The following FOLH1 variants were observed in gnomAD, a reference collection of about 807,000 sequenced individuals.
FOLH1 encodes glutamate carboxypeptidase 2.
A neutral mutation model predicts 93.9 loss-of-function variants in FOLH1; 54 were observed. The observed-to-expected ratio is 0.57, with a 90% CI of 0.46 to 0.72. The LOEUF is 0.72. Ranked by LOEUF, FOLH1 falls within the 30% of genes least tolerant of loss-of-function variation. FOLH1 has a pLI of 0.00. For missense variants in FOLH1, 571 were observed against 892.5 expected, an observed-to-expected ratio of 0.64 and a Z score of 4.59; for synonymous variants, 249 against 303.6, an observed-to-expected ratio of 0.82 and a Z score of 1.87.
intron 13 of FOLH1, among the ~76,000 whole-genome samples, chr11:49,158,398 C>A (rs545836362): frequency 6.6e-6 from 1 of 152,140 alleles, no homozygotes; most frequent in Non-Finnish European, 1.5e-5. Flanking sequence ...CATCTCACAA[C>A]AAAGAAAATA....
At chr11:49,167,497 G>A (rs1399329152) in intron 12 of FOLH1, among the ~76,000 whole-genome samples, 1 of 152,170 alleles carries the variant, frequency 6.6e-6, no homozygotes, top group African/African-American at 2.4e-5. Context: ...TTTCAGAACA[G>A]TGTAGCTCAG....
intron 14 of FOLH1, among the ~76,000 whole-genome samples, chr11:49,157,083 T>C (rs1217078340): frequency 1.3e-5 from 2 of 152,122 alleles, no homozygotes; most frequent in East Asian, 3.9e-4. Flanking sequence ...TTTCATTCCA[T>C]TTATCATCTT....
chr11:49,164,729 G>A lies in FOLH1; in HGVS notation c.1416C>T (p.Ser472=). 1 of 1,604,478 alleles carries A rather than the reference G, an allele frequency of 6.2e-7. No individual in the cohort carries two copies. Among genetic ancestry groups the A allele is most frequent in the Non-Finnish European group, 8.5e-7 (1 of 1,173,152 alleles). Residue 472 remains serine, a synonymous_variant, in exon 13 of 19, where the codon AGC becomes AGT. Transcript: ENST00000256999. ...LRVDCTPLMY[S]LVHNLTKELK... is the part of the protein sequence containing the mutation. Reference sequence around the variant, plus strand: ...CCTCTTTTGTTAGGTTGTGTACCAAGCTGTACATCAGCGGTGTACAATCAA... The same window carrying A: ...CCTCTTTTGTTAGGTTGTGTACCAAACTGTACATCAGCGGTGTACAATCAA...
At chr11:49,197,894 A>G (rs1276551921) in intron 3 of FOLH1, among the ~76,000 whole-genome samples, 1 of 152,300 alleles carries the variant, frequency 6.6e-6, no homozygotes, top group East Asian at 1.9e-4. Flanking sequence ...GCCTCTGGAA[A>G]GAGGAAAATA....
At position 49,146,844 on chromosome 11, in the gene FOLH1, G is replaced by C. The variant is rs1426270403; in HGVS notation, c.2165C>G (p.Ser722Cys). 6.2e-7 allele frequency: 1 copy of C among 1,613,396 alleles called. No individual in the cohort carries two copies. The highest frequency in any genetic ancestry group is 1.3e-5 in the African/African-American group (1 of 74,858). The change falls in exon 19 of 19, where the codon TCC becomes TGC. Residue 722 changes from serine to cysteine, a missense_variant. Coordinates refer to ENST00000256999, the MANE Select transcript of FOLH1 (RefSeq NM_004476.3). Reference sequence around the variant, plus strand: ...TCTCTTCACTTCTCCCCAGGCCTTGGAAGGGTCCACTTTGCTTTCAATATC... The same window carrying C: ...TCTCTTCACTTCTCCCCAGGCCTTGCAAGGGTCCACTTTGCTTTCAATATC... ...LFDIESKVDP[S>C]KAWGEVKRQI...
chr11:49,208,218 G>T, intron 1 of FOLH1, 74 bp downstream of exon 1: 1 of 1,123,360 alleles, frequency 8.9e-7, no homozygotes, highest in Non-Finnish European at 1.3e-6. Context: ...CCACTCGGCA[G>T]CTGACCCGCG....
intron 1 of FOLH1, chr11:49,206,757 T>C (rs1864015679): frequency 2.0e-6 from 3 of 1,535,482 alleles, no homozygotes; most frequent in Non-Finnish European, 2.6e-6. Context: ...TTCAGACAGC[T>C]ACAATGAAAC....
At chr11:49,149,691 A>T (rs2134847407) in intron 17 of FOLH1, among the ~76,000 whole-genome samples, 1 of 152,280 alleles carries the variant, frequency 6.6e-6, no homozygotes, top group East Asian at 1.9e-4. Context: ...GTTCTAATAT[A>T]TCAAAGCTAA....
At chr11:49,198,905 G>A (rs1329648866) in intron 3 of FOLH1, among the ~76,000 whole-genome samples, 10 of 151,188 alleles carry the variant, frequency 6.6e-5, no homozygotes, top group South Asian at 2.1e-4. Context: ...ATGCCACCAC[G>A]CCTGGCTTAA....
chr11:49,169,496 T>C (rs1049471213), intron 11 of FOLH1, among the ~76,000 whole-genome samples: 4 of 152,226 alleles, frequency 2.6e-5, no homozygotes, highest in Non-Finnish European at 5.9e-5. Flanking sequence ...AAATTGTCCA[T>C]ATACTTATGG....
intron 2 of FOLH1, among the ~76,000 whole-genome samples, chr11:49,204,331 G>A (rs1296685737): frequency 6.6e-6 from 1 of 152,072 alleles, no homozygotes; most frequent in African/African-American, 2.4e-5. Flanking sequence ...ACTTGCCTTG[G>A]TCTCTTTTTC....
At chr11:49,152,096 T>C (rs1856566270) in intron 17 of FOLH1, among the ~76,000 whole-genome samples, 1 of 152,178 alleles carries the variant, frequency 6.6e-6, no homozygotes, top group South Asian at 2.1e-4. Flanking sequence ...AAGTATCTTC[T>C]ATTATGTTGT....
intron 1 of FOLH1, 47 bp from the exon 2 acceptor site, chr11:49,206,219 AG>A: frequency 6.2e-7 from 1 of 1,606,674 alleles, no homozygotes; most frequent in Non-Finnish European, 8.5e-7. Flanking sequence ...GCCTATAGAT[AG>A]GACTTATTTT....
At position 49,146,404 on chromosome 11, in the gene FOLH1, T is replaced by A. The variant is rs1321800834; in HGVS notation, c.*352A>T. Among the ~76,000 whole-genome samples, 6 of 152,314 alleles carry A rather than the reference T, an allele frequency of 3.9e-5. No homozygotes were observed. Among genetic ancestry groups the A allele is most frequent in the Non-Finnish European group, 7.4e-5 (5 of 68,026 alleles). ...ATCTTGTGCATATTCCCCAGTGTGC[T>A]CTCTGACATACTGATGTTTTCTTCT... On this transcript the variant is annotated 3_prime_UTR_variant, in exon 19 of 19. Coordinates refer to ENST00000256999, the MANE Select transcript of FOLH1 (RefSeq NM_004476.3).
At chr11:49,148,930 A>AT (rs946021466) in intron 17 of FOLH1, among the ~76,000 whole-genome samples, 199 bp from the exon 18 acceptor site, 21 of 151,888 alleles carry the variant, frequency 1.4e-4, no homozygotes, top group African/African-American at 5.1e-4. Flanking sequence ...CCTTTGTGGA[A>AT]TTTTTTTTTA....
Position 49,200,389 on chromosome 11 carries a change from C to T in FOLH1, c.277G>A (p.Ala93Thr), listed in dbSNP as rs776233012. 1.2e-6 allele frequency: 2 copies of T among 1,613,320 alleles called. No individual in the cohort carries two copies. Among genetic ancestry groups the T allele is most frequent in the Admixed American group, 1.7e-5 (1 of 59,940 alleles). ...LAGTEQNFQL[A>T]KQIQSQWKEF... ...TTCCACTGGGATTGAATTTGCTTTG[C>T]AAGCTGAAAGTTTTGTTCTGTTCCT... Residue 93 changes from alanine to threonine, a missense_variant, in exon 3 of 19, where the codon GCA (alanine) becomes ACA (threonine). By Grantham distance (58) the Ala-to-Thr change is moderately conservative (BLOSUM62 0). This residue lies in a region of FOLH1 where 500 missense variants were observed against 822.9 expected (regional missense o/e 0.61). Coordinates refer to ENST00000256999, the MANE Select transcript of FOLH1 (RefSeq NM_004476.3).
intron 3 of FOLH1, among the ~76,000 whole-genome samples, chr11:49,199,887 C>T (rs1863081279): frequency 1.3e-5 from 2 of 151,262 alleles, no homozygotes; most frequent in Admixed American, 6.6e-5. Flanking sequence ...CTCCAGCCTG[C>T]CTGACAGGAG....
At chr11:49,192,947 G>A (rs4315497) in intron 3 of FOLH1, 53 bp from the exon 4 acceptor site, 611,741 of 1,436,874 alleles carry the variant, frequency 0.43, 135,269 homozygotes, top group African/African-American at 0.75. Flanking sequence ...TTTGATTACT[G>A]TAATCAAACA....
At position 49,206,399 on chromosome 11, in the gene FOLH1, T is replaced by G. The variant is rs536526012; in HGVS notation, c.119-227A>C. On this transcript the variant is annotated intron_variant, in intron 1 of 18. Coordinates refer to ENST00000256999, the MANE Select transcript of FOLH1 (RefSeq NM_004476.3). ...AATTGCAAAATATTTCTTATCCAACTTCAATGATAGGTATTGCTGTTATTC... is the reference window on the plus strand; with the variant it reads ...AATTGCAAAATATTTCTTATCCAACGTCAATGATAGGTATTGCTGTTATTC... 5.2e-5 allele frequency: 41 copies of G among 789,498 alleles called. No homozygotes were observed. In the South Asian group the frequency reaches 6.0e-4, roughly 11 times the overall value. The allele number at this position is 789,498 out of a possible 1,614,324, so 48.9% of individuals were successfully genotyped here. A position where few individuals can be genotyped will look rare whatever the true frequency, so the allele number is the denominator to read the frequency against.
Sources: gnomAD v4.1 joint callset for allele counts (sites outside exome capture counted in the v4.1 genomes callset) on GRCh38, gnomAD v4.1.1 for gene constraint, gnomAD v4.1.1 regional missense constraint, MANE v1.5 for transcripts, NCBI Gene and HGNC (gene_info 2026-07-23, HGNC 2026-07-21) for gene names.